MSMB: variants seen among roughly 807,000 people sequenced by gnomAD.
MSMB encodes microseminoprotein beta.
In MSMB, 10 loss-of-function variants were observed where a neutral mutation model predicts 10.5. The observed-to-expected ratio is 0.95, with a 90% CI of 0.59 to 1.62. The LOEUF is 1.62. MSMB is among the 40% of genes most tolerant of loss of function. The pLI is 0.00. For missense variants in MSMB, 126 were observed against 137.4 expected, an observed-to-expected ratio of 0.92 and a Z score of 0.42; for synonymous variants, 43 against 46.5, an observed-to-expected ratio of 0.93 and a Z score of 0.30.
At chr10:46,037,164 T>G (rs1554927653) in intron 3 of MSMB, among the ~76,000 whole-genome samples, 1 of 152,178 alleles carries the variant, frequency 6.6e-6, no homozygotes, top group Admixed American at 6.5e-5. Flanking sequence ...GTCAAGTGCT[T>G]GCTTCTTTAC....
intron 3 of MSMB, among the ~76,000 whole-genome samples, chr10:46,037,737 G>A (rs1299352291): frequency 2.6e-5 from 4 of 152,124 alleles, no homozygotes; most frequent in Admixed American, 1.3e-4. Flanking sequence ...GGTGATGACC[G>A]GGCCAATCTC....
At chr10:46,034,176 G>A (rs1331514183) in intron 3 of MSMB, among the ~76,000 whole-genome samples, 9 of 152,092 alleles carry the variant, frequency 5.9e-5, no homozygotes, top group African/African-American at 1.9e-4. Flanking sequence ...GCAGTGGCAC[G>A]ATCTCAGCTC....
Position 46,040,004 on chromosome 10 carries a change from G to C in MSMB, c.91C>G (p.Pro31Ala), listed in dbSNP as rs782439876. The C allele has an allele frequency of 3.1e-6, 5 of 1,613,618 alleles. No homozygotes were observed. The Admixed American group carries it at 8.3e-5, about 27-fold the overall frequency. Residue 31 changes from proline (P) to alanine (A), a missense_variant, in exon 2 of 4, where the codon CCA becomes GCA. Pro to Ala is a conservative substitution (Grantham distance 27). Transcript: ENST00000582163. The part of the protein sequence containing the change: ...SCYFIPNEGV[P>A]GDSTRKCMDL... ...GACTTACTCCTGGTTGAATCTCCTG[G>C]AACTCCCTCATTAGGTATGAAATAG... is the stretch of plus-strand genomic sequence containing the variant.
chr10:46,039,155 T>C (rs1317213014), intron 2 of MSMB, 84 bp from the exon 3 acceptor site: 7 of 1,121,056 alleles, frequency 6.2e-6, no homozygotes, highest in Non-Finnish European at 9.4e-6. Flanking sequence ...GCCCCTACTA[T>C]CTACACCCCT....
intron 1 of MSMB, among the ~76,000 whole-genome samples, chr10:46,044,203 C>T (rs914155908): frequency 1.4e-4 from 22 of 152,120 alleles, no homozygotes; most frequent in African/African-American, 5.3e-4. Context: ...GGAGATTACA[C>T]CACGACGCCA....
chr10:46,038,532 C>T (rs1840667612), intron 3 of MSMB, among the ~76,000 whole-genome samples: 1 of 152,132 alleles, frequency 6.6e-6, no homozygotes, highest in East Asian at 1.9e-4. Flanking sequence ...TCGTGATCCG[C>T]CCGCTTCGGC....
chr10:46,043,834 C>G (rs1022344281), intron 1 of MSMB, among the ~76,000 whole-genome samples: 1 of 152,134 alleles, frequency 6.6e-6, no homozygotes. Flanking sequence ...ACCACCACAC[C>G]TGGCTAATTT....
chr10:46,045,863 C>T (rs1270533096), intron 1 of MSMB, among the ~76,000 whole-genome samples: 3 of 152,132 alleles, frequency 2.0e-5, no homozygotes, highest in African/African-American at 7.2e-5. Flanking sequence ...CAGCTTCTTC[C>T]CCTCCCCAGG....
At chr10:46,039,318 A>G (rs1840689687) in intron 2 of MSMB, among the ~76,000 whole-genome samples, 1 of 152,216 alleles carries the variant, frequency 6.6e-6, no homozygotes, top group African/African-American at 2.4e-5. Flanking sequence ...TTCAGAACAG[A>G]TATTTCAAGA....
chr10:46,036,383 A>C (rs1442673008), intron 3 of MSMB, among the ~76,000 whole-genome samples: 2 of 152,244 alleles, frequency 1.3e-5, no homozygotes, highest in African/African-American at 4.8e-5. Flanking sequence ...GAAGGTGTTG[A>C]TTCATTTCCC....
chr10:46,034,430 C>T (rs879977791), intron 3 of MSMB, among the ~76,000 whole-genome samples: 17 of 151,488 alleles, frequency 1.1e-4, no homozygotes, highest in Admixed American at 1.3e-4. Context: ...ATGCCCAGCC[C>T]AGTGCTAGAA....
intron 1 of MSMB, among the ~76,000 whole-genome samples, chr10:46,043,788 C>A (rs1275860426): frequency 6.6e-6 from 1 of 152,154 alleles, no homozygotes; most frequent in East Asian, 1.9e-4. Context: ...GATTCTCCTG[C>A]CTCAGCCTCC....
At chr10:46,043,085 C>T (rs1391203226) in intron 1 of MSMB, among the ~76,000 whole-genome samples, 1 of 152,064 alleles carries the variant, frequency 6.6e-6, no homozygotes, top group Non-Finnish European at 1.5e-5. Flanking sequence ...CTTTTCCCCC[C>T]AAAAAGCCAG....
rs576148962 is a variant in MSMB at position 46,034,897 on chromosome 10, T to C, written c.216-1346A>G. On this transcript the variant is annotated intron_variant, in intron 3 of 3. Coordinates refer to ENST00000582163, the MANE Select transcript of MSMB (RefSeq NM_002443.4). ...GGCACATGCCTGTAATCCCAGCTAC[T>C]TGGGGCTGAGGTGAGACAACAGCTT... Among the ~76,000 whole-genome samples the C allele has an allele frequency of 4.6e-5, 7 of 151,998 alleles. No individual in the cohort carries two copies. The South Asian group carries it at 1.5e-3, about 32-fold the overall frequency.
In MSMB at chr10:46,040,041, G is replaced by A. The variant is rs1804779; in HGVS notation, c.54C>T (p.Cys18=). ...VVIFATFVTL[C]NASCYFIPNE... The stretch of plus-strand genomic sequence containing the variant: ...TAGGTATGAAATAGCATGATGCATT[G>A]CATAAAGTCACGAAGGTGGCAAAGA... Residue 18 remains cysteine (C), a synonymous_variant, in exon 2 of 4, where the codon TGC becomes TGT. Coordinates refer to ENST00000582163, the MANE Select transcript of MSMB (RefSeq NM_002443.4). The A allele has an allele frequency of 4.3e-6, 7 of 1,613,950 alleles. No homozygotes were observed. Among genetic ancestry groups the A allele is most frequent in the Non-Finnish European group, 5.9e-6 (7 of 1,179,846 alleles).
intron 3 of MSMB, among the ~76,000 whole-genome samples, chr10:46,035,499 G>T (rs1341032528): frequency 6.6e-6 from 1 of 152,222 alleles, no homozygotes; most frequent in East Asian, 1.9e-4. Context: ...ACTGATACAT[G>T]CTACAACATG....
At chr10:46,039,197 G>T in intron 2 of MSMB, 126 bp from the exon 3 acceptor site, 2 of 786,392 alleles carry the variant, frequency 2.5e-6, no homozygotes, top group Non-Finnish European at 2.1e-6. Context: ...TTATTTTAAA[G>T]GTATCTAAGA....
intron 3 of MSMB, among the ~76,000 whole-genome samples, chr10:46,038,335 T>A (rs574968639): frequency 3.2e-4 from 49 of 152,122 alleles, no homozygotes; most frequent in Admixed American, 2.8e-3. Context: ...TCGCCCAGGC[T>A]GGAGTGCAGT....
Position 46,040,038 on chromosome 10 carries a change from A to G in MSMB, c.57T>C (p.Asn19=), listed in dbSNP as rs782235715. 3 of 1,614,094 alleles carry G rather than the reference A, an allele frequency of 1.9e-6. No individual in the cohort carries two copies. The highest frequency in any genetic ancestry group is 1.7e-6 in the Non-Finnish European group (2 of 1,179,922). The part of the protein sequence containing the change: ...VIFATFVTLC[N]ASCYFIPNEG... ...CATTAGGTATGAAATAGCATGATGC[A>G]TTGCATAAAGTCACGAAGGTGGCAA... Residue 19 remains asparagine (N), a synonymous_variant, in exon 2 of 4, where the codon AAT becomes AAC. Transcript: ENST00000582163.
Sources: allele counts gnomAD v4.1 joint callset (sites outside exome capture counted in the v4.1 genomes callset), GRCh38; gene constraint gnomAD v4.1.1; transcripts MANE v1.5; gene names NCBI Gene and HGNC (gene_info 2026-07-23, HGNC 2026-07-21).